ARL17A: variants seen among roughly 807,000 people sequenced by gnomAD.
ARL17A encodes the protein ARF like GTPase 17A.
At chr17:46,575,541 C>T (rs930000918) in intron 2 of ARL17A, among the ~76,000 whole-genome samples, 4 of 121,426 alleles carry the variant, frequency 3.3e-5, no homozygotes, top group Admixed American at 1.7e-4. Flanking sequence ...ACACTAGCTG[C>T]GAGGAATGAG....
At chr17:46,501,050 G>A in the ARL17A span, among the ~76,000 whole-genome samples, 2 of 151,410 alleles carry the variant, frequency 1.3e-5, no homozygotes, top group South Asian at 2.1e-4. Context: ...GGGCATGGTG[G>A]TGGTACTTTT....
the ARL17A span, among the ~76,000 whole-genome samples, chr17:46,500,691 TTG>T: frequency 3.3e-5 from 5 of 151,232 alleles, no homozygotes; most frequent in Non-Finnish European, 5.9e-5. Flanking sequence ...AGGTTGTTTT[TTG>T]TTTTTTTCTT....
At chr17:46,500,560 C>T in the ARL17A span, among the ~76,000 whole-genome samples, 2 of 150,350 alleles carry the variant, frequency 1.3e-5, no homozygotes, top group Non-Finnish European at 2.9e-5. Context: ...ACTTTAATGA[C>T]CATAGAAATC....
At chr17:46,502,883 C>G in the ARL17A span, among the ~76,000 whole-genome samples, 3 of 150,950 alleles carry the variant, frequency 2.0e-5, no homozygotes, top group Admixed American at 2.0e-4. Flanking sequence ...ACTCATGTTA[C>G]AGGCTGGTCT....
chr17:46,569,445 G>A (rs1275818499), intron 3 of ARL17A, among the ~76,000 whole-genome samples: 1 of 149,718 alleles, frequency 6.7e-6, no homozygotes, highest in African/African-American at 2.5e-5. Context: ...GCTTATAACT[G>A]TTGAGGCTTG....
chr17:46,539,768 C>CAAAAAAAAAAAAAAAAAAAAAA (rs1204528686), intron 3 of ARL17A, among the ~76,000 whole-genome samples: 1 of 67,036 alleles, frequency 1.5e-5, no homozygotes. Context: ...GACTCCATCT[C>CAAAAAAAAAAAAAAAAAAAAAA]AAAAAAAAAA....
At chr17:46,540,921 G>A in intron 3 of ARL17A, 1 of 1,381,176 alleles carries the variant, frequency 7.2e-7, no homozygotes. Flanking sequence ...TACTTAGTTG[G>A]TTCTTTAGGT....
At chr17:46,542,539 A>G (rs970850476) in intron 3 of ARL17A, among the ~76,000 whole-genome samples, 1 of 148,014 alleles carries the variant, frequency 6.8e-6, no homozygotes, top group African/African-American at 2.6e-5. Flanking sequence ...ATAGATATAT[A>G]TATAAATCAG....
At chr17:46,550,380 A>C (rs2056643315), downstream of ARL17A, 1 of 735,540 alleles carries the variant, frequency 1.4e-6, no homozygotes, top group Admixed American at 2.6e-5. Context: ...GTTAGCTCTC[A>C]TTCTGGTTTT....
intron 3 of ARL17A, among the ~76,000 whole-genome samples, chr17:46,542,735 A>G (rs1321811862): frequency 6.7e-6 from 1 of 150,192 alleles, no homozygotes; most frequent in Non-Finnish European, 1.5e-5. Flanking sequence ...GTATATATGT[A>G]TATGTATGCC....
At chr17:46,545,881 G>A (rs2056237169) in intron 3 of ARL17A, among the ~76,000 whole-genome samples, 1 of 150,260 alleles carries the variant, frequency 6.7e-6, no homozygotes, top group South Asian at 2.1e-4. Context: ...ACTCCCAACA[G>A]GAATTGAGAA....
chr17:46,509,910 G>GAAA, the ARL17A span, among the ~76,000 whole-genome samples: 11 of 46,734 alleles, frequency 2.4e-4, 1 homozygote, highest in African/African-American at 7.4e-4. Flanking sequence ...CTCTCTCGAG[G>GAAA]AAAAAAAAAA....
At chr17:46,544,097 CAG>C (rs2055920631) in intron 3 of ARL17A, among the ~76,000 whole-genome samples, 1 of 117,876 alleles carries the variant, frequency 8.5e-6, no homozygotes, top group African/African-American at 4.5e-5. Context: ...GCCTGTGTAA[CAG>C]AGCGAGACCC....
At chr17:46,541,379 G>A (rs973701251) in intron 3 of ARL17A, among the ~76,000 whole-genome samples, 1 of 148,438 alleles carries the variant, frequency 6.7e-6, no homozygotes, top group African/African-American at 2.6e-5. Flanking sequence ...AGCCTTCCGA[G>A]TAGCTGGGAT....
chr17:46,532,387 T>C (rs1301202908), intron 4 of ARL17A, among the ~76,000 whole-genome samples: 41 of 150,360 alleles, frequency 2.7e-4, no homozygotes, highest in Non-Finnish European at 5.3e-4. Flanking sequence ...TTTTTGTGTG[T>C]GATGTCTTTA....
chr17:46,551,033 A>G (rs2056747057), downstream of ARL17A, among the ~76,000 whole-genome samples: 1 of 149,962 alleles, frequency 6.7e-6, no homozygotes, highest in Non-Finnish European at 1.5e-5. Context: ...ACTACAGAGT[A>G]GCCATCTTTT....
At chr17:46,545,338 C>G (rs1387844733) in intron 3 of ARL17A, among the ~76,000 whole-genome samples, 1 of 141,990 alleles carries the variant, frequency 7.0e-6, no homozygotes, top group African/African-American at 2.8e-5. Context: ...ATACTCCCAG[C>G]TACTCAGGAG....
downstream of ARL17A, among the ~76,000 whole-genome samples, chr17:46,551,030 A>G (rs1220428698): frequency 4.7e-5 from 7 of 149,934 alleles, no homozygotes; most frequent in Non-Finnish European, 8.8e-5. Context: ...AGCACTACAG[A>G]GTAGCCATCT....
At chr17:46,569,285 G>A (rs2057641027) in intron 3 of ARL17A, among the ~76,000 whole-genome samples, 1 of 150,126 alleles carries the variant, frequency 6.7e-6, no homozygotes, top group Non-Finnish European at 1.5e-5. Flanking sequence ...TTAGAATAAG[G>A]ACTAGGTGCT....
Sources: allele counts gnomAD v4.1 joint callset (sites outside exome capture counted in the v4.1 genomes callset), GRCh38; gene constraint gnomAD v4.1.1; transcripts MANE v1.5; gene names NCBI Gene and HGNC (gene_info 2026-07-23, HGNC 2026-07-21).